Variants in RPL39L observed in about 807,000 individuals in gnomAD.
The protein encoded by RPL39L is ribosomal protein L39 like.
For synonymous variants in RPL39L, 16 were observed against 20.1 expected (o/e 0.80, Z 0.55); for missense variants, 48 against 58.9 (o/e 0.81, Z 0.61).
At chr3:187,121,703 A>G (rs1720312283) in intron 2 of RPL39L, among the ~76,000 whole-genome samples, 1 of 152,258 alleles carries the variant, frequency 6.6e-6, no homozygotes, top group Non-Finnish European at 1.5e-5. Flanking sequence ...TTAAAGCAAT[A>G]GAACACTAAA....
chr3:187,121,262 C>T lies in RPL39L; in HGVS notation c.39G>A (p.Leu13=). ...SHKTFTIKRF[L]AKKQKQNRPI... The stretch of plus-strand genomic sequence containing the variant: ...GACGATTTTGCTTTTGTTTCTTGGC[C>T]AGGAATCGCTTAATGGTGAAAGTCT... Residue 13 remains leucine, a synonymous_variant, in exon 3 of 3, where the codon CTG becomes CTA. Coordinates refer to ENST00000296277, the MANE Select transcript of RPL39L (RefSeq NM_052969.3). 6.2e-7 allele frequency: 1 copy of T among 1,613,910 alleles called. No individual in the cohort carries two copies. The highest frequency in any genetic ancestry group is 8.5e-7 in the Non-Finnish European group (1 of 1,179,894).
intron 2 of RPL39L, among the ~76,000 whole-genome samples, chr3:187,126,416 G>C (rs560656769): frequency 6.6e-6 from 1 of 151,832 alleles, no homozygotes; most frequent in Non-Finnish European, 1.5e-5. Context: ...TGCCCGCCTC[G>C]GCCTCCCAAA....
Position 187,139,471 on chromosome 3 carries a change from C to T in RPL39L, c.-351G>A, listed in dbSNP as rs1166723947. The T allele has an allele frequency of 6.6e-6, 1 of 152,162 alleles. No individual in the cohort carries two copies. The highest frequency in any genetic ancestry group is 1.5e-5 in the Non-Finnish European group (1 of 68,040). 9.4% of individuals were successfully genotyped at this position (152,162 alleles called of 1,614,324 possible). On this transcript the variant is annotated 5_prime_UTR_variant, in exon 1 of 3. Transcript: ENST00000296277. Reference sequence around the variant, plus strand: ...GCCTCGCTGGGCGCAGCAATTCAACCGCCGCGCGCCGGATGCTAAGACCGC... The same window carrying T: ...GCCTCGCTGGGCGCAGCAATTCAACTGCCGCGCGCCGGATGCTAAGACCGC...
intron 1 of RPL39L, among the ~76,000 whole-genome samples, chr3:187,132,465 T>G (rs1392416074): frequency 6.6e-6 from 1 of 152,220 alleles, no homozygotes; most frequent in Admixed American, 6.5e-5. Flanking sequence ...TGAGAGTTCA[T>G]TTAGGTAATC....
At chr3:187,131,256 T>A (rs1295623024) in intron 1 of RPL39L, among the ~76,000 whole-genome samples, 1 of 151,960 alleles carries the variant, frequency 6.6e-6, no homozygotes, top group Non-Finnish European at 1.5e-5. Context: ...GGCAGGCACA[T>A]CACCTGCCTG....
At chr3:187,133,058 C>G (rs1720512747) in intron 1 of RPL39L, among the ~76,000 whole-genome samples, 1 of 152,214 alleles carries the variant, frequency 6.6e-6, no homozygotes, top group South Asian at 2.1e-4. Context: ...TATAAAACCC[C>G]TGGGAGCCTC....
At chr3:187,138,305 A>T (rs1720620311) in intron 1 of RPL39L, among the ~76,000 whole-genome samples, 1 of 152,214 alleles carries the variant, frequency 6.6e-6, no homozygotes, top group African/African-American at 2.4e-5. Flanking sequence ...GCAAGAAAGT[A>T]AGTACAGGGC....
At chr3:187,133,536 T>C (rs1477624057) in intron 1 of RPL39L, among the ~76,000 whole-genome samples, 1 of 152,120 alleles carries the variant, frequency 6.6e-6, no homozygotes, top group African/African-American at 2.4e-5. Context: ...AACAGACTAA[T>C]ACAGGGAAGT....
intron 1 of RPL39L, among the ~76,000 whole-genome samples, chr3:187,134,496 A>AAAAAAAAAAG (rs1362750015): frequency 1.3e-5 from 2 of 150,778 alleles, no homozygotes; most frequent in African/African-American, 4.9e-5. Flanking sequence ...AAAAAAAAAA[A>AAAAAAAAAAG]AAAAAAGAAG....
intron 1 of RPL39L, among the ~76,000 whole-genome samples, chr3:187,131,221 T>C (rs773499563): frequency 3.3e-5 from 5 of 152,232 alleles, no homozygotes; most frequent in Non-Finnish European, 7.3e-5. Context: ...CTTATGCCTC[T>C]AATCCCAGCA....
chr3:187,137,950 G>C (rs1469162891), intron 1 of RPL39L, among the ~76,000 whole-genome samples: 3 of 152,144 alleles, frequency 2.0e-5, no homozygotes, highest in Non-Finnish European at 4.4e-5. Flanking sequence ...ATGAGCTTTG[G>C]TCAGCTCAGC....
chr3:187,131,091 T>C (rs1179376885), intron 1 of RPL39L, among the ~76,000 whole-genome samples: 1 of 152,232 alleles, frequency 6.6e-6, no homozygotes, highest in African/African-American at 2.4e-5. Flanking sequence ...AAAGGCTTTT[T>C]TCACATATAC....
chr3:187,126,047 A>C lies in RPL39L; in HGVS notation c.-29+1952T>G, dbSNP rs145579639. ...TATTTTTAAATATGGAACTCCGGGA[A>C]TCTTTTAACAAAAAAGTTTTTGTAT... On this transcript the variant is annotated intron_variant, in intron 2 of 2. Transcript: ENST00000296277. Among the ~76,000 whole-genome samples, 799 of 152,302 alleles carry C rather than the reference A, an allele frequency of 5.2e-3. 6 individuals are homozygous for C. Among genetic ancestry groups the C allele is most frequent in the African/African-American group, 0.018 (756 of 41,568 alleles).
rs143112196 is a variant in RPL39L, at chr3:187,124,743, G to A, written c.-29+3256C>T. On this transcript the variant is annotated intron_variant, in intron 2 of 2. Coordinates refer to ENST00000296277, the MANE Select transcript of RPL39L (RefSeq NM_052969.3). ...TCTACTTACTGGATATAGAGGTCAT[G>A]TGCACACCAATGGCTGCCTGAGGAA... Among the ~76,000 whole-genome samples the A allele has an allele frequency of 5.7e-3, 875 of 152,316 alleles. 8 individuals are homozygous for A. Among genetic ancestry groups the A allele is most frequent in the African/African-American group, 0.018 (755 of 41,566 alleles).
Position 187,134,483 on chromosome 3 carries a change from T to TAAAA in RPL39L, c.-93+4726_-93+4729dup, listed in dbSNP as rs72169562. Among the ~76,000 whole-genome samples, 906 of 93,156 alleles carry TAAAA rather than the reference T, an allele frequency of 9.7e-3. 36 individuals are homozygous for TAAAA. Among genetic ancestry groups the TAAAA allele is most frequent in the African/African-American group, 0.034 (795 of 23,528 alleles). 61.1% of individuals were successfully genotyped at this position (93,156 alleles called of 152,430 possible). On this transcript the variant is annotated intron_variant, in intron 1 of 2. Coordinates refer to ENST00000296277, the MANE Select transcript of RPL39L (RefSeq NM_052969.3). ...GCCCAAACTACTTTAGCCTGACTGA[T>TAAAA]AAAAAAAAAAAAAAAAAAAGAAGAC...
chr3:187,132,323 A>G (rs1485885274), intron 1 of RPL39L, among the ~76,000 whole-genome samples: 1 of 152,038 alleles, frequency 6.6e-6, no homozygotes, highest in Admixed American at 6.6e-5. Context: ...GAGAATACAG[A>G]TTTTTTTTGA....
intron 2 of RPL39L, among the ~76,000 whole-genome samples, chr3:187,125,832 G>A (rs1276755543): frequency 6.6e-6 from 1 of 151,986 alleles, no homozygotes; most frequent in African/African-American, 2.4e-5. Flanking sequence ...CCTAGACTGA[G>A]CCCCTAGTGT....
At chr3:187,137,008 C>T (rs1355393228) in intron 1 of RPL39L, among the ~76,000 whole-genome samples, 1 of 150,488 alleles carries the variant, frequency 6.6e-6, no homozygotes, top group Non-Finnish European at 1.5e-5. Context: ...GAGATCAGCC[C>T]GAGTATGTTT....
chr3:187,137,801 G>A (rs1331553279), intron 1 of RPL39L, among the ~76,000 whole-genome samples: 3 of 144,294 alleles, frequency 2.1e-5, no homozygotes, highest in Non-Finnish European at 3.0e-5. Context: ...GCACTCCAGC[G>A]ACAGAAGGAT....
Sources: allele counts gnomAD v4.1 joint callset (sites outside exome capture counted in the v4.1 genomes callset), GRCh38; gene constraint gnomAD v4.1.1; transcripts MANE v1.5; gene names NCBI Gene and HGNC (gene_info 2026-07-23, HGNC 2026-07-21).